Variants in TRAF3 observed in about 807,000 individuals in gnomAD.
The protein encoded by TRAF3 is TNF receptor associated factor 3, also known as TNF receptor-associated factor 3.
TRAF3 carries 13 observed loss-of-function variants against 62.3 expected under a neutral mutation model. The observed-to-expected ratio is 0.21, with a 90% confidence interval of 0.14 to 0.33. TRAF3 has a LOEUF of 0.33. Among genes scored for constraint, TRAF3 ranks in the 10% least tolerant of loss-of-function variants. The pLI, the probability that TRAF3 is intolerant of heterozygous loss-of-function variation, is 1.00. For missense variants in TRAF3, 440 were observed against 741.8 expected (o/e 0.59, Z 4.73); for synonymous variants, 269 against 283.4 (o/e 0.95, Z 0.51).
In TRAF3 at chr14:102,852,418, C is replaced by CT. The variant is rs550648167; in HGVS notation, c.-17-17766dup. Among the ~76,000 whole-genome samples the CT allele has an allele frequency of 5.9e-5, 9 of 152,346 alleles. No homozygotes were observed. The East Asian group carries it at 1.7e-3, about 29-fold the overall frequency. On this transcript the variant is annotated intron_variant, in intron 2 of 11. Coordinates refer to ENST00000392745, the MANE Select transcript of TRAF3 (RefSeq NM_145725.3). ...CAGCCTGGGAACGAGACATGACCGA[C>CT]TCCAGTGCGGCCTGCTTGCTGTCCT...
At chr14:102,832,820 G>GT (rs780159219) in intron 2 of TRAF3, among the ~76,000 whole-genome samples, 109 of 150,752 alleles carry the variant, frequency 7.2e-4, no homozygotes, top group Non-Finnish European at 1.2e-3. Context: ...ATTAGAACGG[G>GT]TTTTTTTTTC....
intron 2 of TRAF3, among the ~76,000 whole-genome samples, chr14:102,838,078 C>T (rs938990227): frequency 1.3e-5 from 2 of 152,176 alleles, no homozygotes; most frequent in African/African-American, 4.8e-5. Flanking sequence ...AACACTGACT[C>T]GAGGTAGACC....
intron 2 of TRAF3, among the ~76,000 whole-genome samples, chr14:102,861,727 T>A (rs965017373): frequency 2.6e-5 from 4 of 152,170 alleles, no homozygotes; most frequent in Non-Finnish European, 4.4e-5. Context: ...GAAAGCAAGT[T>A]TATTATAGAA....
rs371491252 is a variant in TRAF3 at position 102,845,607 on chromosome 14, G to A, written c.-18+15135G>A. Among the ~76,000 whole-genome samples the A allele has an allele frequency of 2.8e-4, 42 of 148,772 alleles. 1 individual carries two copies. The East Asian group carries it at 4.0e-3, about 14-fold the overall frequency. ...CTCGGCTCACTGCAAGCTCTGCCTC[G>A]CAGGTTCATGCCATTCTCCTGCCTC... On this transcript the variant is annotated intron_variant, in intron 2 of 11. Coordinates refer to ENST00000392745, the MANE Select transcript of TRAF3 (RefSeq NM_145725.3).
chr14:102,779,885 G>C (rs561050850), intron 1 of TRAF3, among the ~76,000 whole-genome samples: 1 of 152,312 alleles, frequency 6.6e-6, no homozygotes, highest in South Asian at 2.1e-4. Context: ...GAATTTCCTT[G>C]CAATGGTCAG....
At chr14:102,904,567 T>A (rs1223336885) in intron 11 of TRAF3, among the ~76,000 whole-genome samples, 3 of 151,882 alleles carry the variant, frequency 2.0e-5, no homozygotes, top group Non-Finnish European at 4.4e-5. Flanking sequence ...TCCCAGCACT[T>A]TGGGAGGCTG....
At chr14:102,799,416 C>G (rs1898265902) in intron 1 of TRAF3, among the ~76,000 whole-genome samples, 1 of 152,088 alleles carries the variant, frequency 6.6e-6, no homozygotes, top group South Asian at 2.1e-4. Flanking sequence ...TAGCCTAGCC[C>G]AAGTGTTAGC....
intron 2 of TRAF3, among the ~76,000 whole-genome samples, chr14:102,861,111 A>C (rs1216929433): frequency 6.6e-6 from 1 of 152,230 alleles, no homozygotes; most frequent in Non-Finnish European, 1.5e-5. Flanking sequence ...GCTGACACTG[A>C]ATCAGAAGTT....
chr14:102,862,027 G>A (rs1016277955), intron 2 of TRAF3, among the ~76,000 whole-genome samples: 1 of 152,000 alleles, frequency 6.6e-6, no homozygotes, highest in Non-Finnish European at 1.5e-5. Flanking sequence ...ATCTCATTTG[G>A]TGCTCAAAAG....
chr14:102,847,390 G>C (rs1295796587), intron 2 of TRAF3, among the ~76,000 whole-genome samples: 1 of 152,084 alleles, frequency 6.6e-6, no homozygotes, highest in African/African-American at 2.4e-5. Context: ...GGCCCGGCTG[G>C]TCTCGAACTC....
intron 1 of TRAF3, among the ~76,000 whole-genome samples, chr14:102,822,338 A>T (rs1363564801): frequency 6.6e-6 from 1 of 152,218 alleles, no homozygotes; most frequent in Non-Finnish European, 1.5e-5. Flanking sequence ...TCAGGTTTTG[A>T]CAGAGCTTAG....
chr14:102,791,338 A>G (rs1411030071), intron 1 of TRAF3, among the ~76,000 whole-genome samples: 1 of 152,068 alleles, frequency 6.6e-6, no homozygotes, highest in Non-Finnish European at 1.5e-5. Context: ...ATGTCTTTTC[A>G]TTCAATTATG....
At chr14:102,804,820 T>A (rs2139481481) in intron 1 of TRAF3, among the ~76,000 whole-genome samples, 1 of 152,260 alleles carries the variant, frequency 6.6e-6, no homozygotes, top group South Asian at 2.1e-4. Context: ...TGGTCCTTTT[T>A]TTCTAAAATT....
At position 102,872,051 on chromosome 14, in the gene TRAF3, G is replaced by A; in HGVS notation, c.297+83G>A. On this transcript the variant is annotated intron_variant, in intron 4 of 11. Transcript: ENST00000392745. ...TCACATAGTTTGCATTCGGCACTCTGGCACAACACATTCTCTCAGTTTTGG... is the reference window on the plus strand; with the variant it reads ...TCACATAGTTTGCATTCGGCACTCTAGCACAACACATTCTCTCAGTTTTGG... 17 of 1,416,158 alleles carry A rather than the reference G, an allele frequency of 1.2e-5. No homozygotes were observed. The South Asian group carries it at 1.8e-4, about 15-fold the overall frequency. 87.7% of individuals were successfully genotyped at this position (1,416,158 alleles called of 1,614,324 possible).
intron 2 of TRAF3, among the ~76,000 whole-genome samples, chr14:102,856,424 G>T (rs1486278556): frequency 6.6e-6 from 1 of 152,176 alleles, no homozygotes; most frequent in Non-Finnish European, 1.5e-5. Flanking sequence ...TCTGGAAACT[G>T]TCATGGTGCT....
At chr14:102,790,324 A>G (rs1432258732) in intron 1 of TRAF3, among the ~76,000 whole-genome samples, 2 of 152,188 alleles carry the variant, frequency 1.3e-5, no homozygotes, top group African/African-American at 4.8e-5. Context: ...TAAATTGGCC[A>G]TAGATGTTTG....
chr14:102,865,333 T>C (rs1454734386), intron 2 of TRAF3, among the ~76,000 whole-genome samples: 1 of 152,174 alleles, frequency 6.6e-6, no homozygotes, highest in African/African-American at 2.4e-5. Flanking sequence ...GAAAGCATAT[T>C]TTCCTTGAGC....
At chr14:102,889,046 T>A (rs1889562298) in intron 7 of TRAF3, among the ~76,000 whole-genome samples, 2 of 152,224 alleles carry the variant, frequency 1.3e-5, no homozygotes, top group South Asian at 4.1e-4. Context: ...AGGGAAAAAG[T>A]CTTTTCAGAT....
chr14:102,787,321 A>G (rs58569015), intron 1 of TRAF3, among the ~76,000 whole-genome samples: 35 of 152,266 alleles, frequency 2.3e-4, no homozygotes, highest in African/African-American at 8.2e-4. Flanking sequence ...TAACATATGA[A>G]TTTTTATATA....
Sources: allele counts gnomAD v4.1 joint callset (sites outside exome capture counted in the v4.1 genomes callset), GRCh38; gene constraint gnomAD v4.1.1; transcripts MANE v1.5; gene names NCBI Gene and HGNC (gene_info 2026-07-23, HGNC 2026-07-21).